APP: variants seen among roughly 807,000 people sequenced by gnomAD.
APP encodes amyloid beta precursor protein.
In APP, 31 loss-of-function variants were observed where a neutral mutation model predicts 101.4. The ratio of observed to expected loss-of-function variants is 0.31; its 90% confidence interval spans 0.23 to 0.41. APP has a LOEUF of 0.41. Among genes scored for constraint, APP ranks in the 10% least tolerant of loss-of-function variants. The probability of loss-of-function intolerance (pLI) is 1.00; values close to 1 mark genes in which losing one functional copy is unlikely to be tolerated. For missense variants in APP, 839 were observed against 1,003.7 expected (o/e 0.84, Z 2.22); for synonymous variants, 366 against 364.4 (o/e 1.00, Z -0.05).
At chr21:26,111,087 TAAAAAAAA>T (rs576900084) in intron 2 of APP, among the ~76,000 whole-genome samples, 2 of 88,478 alleles carry the variant, frequency 2.3e-5, no homozygotes, top group Non-Finnish European at 4.4e-5. Context: ...AAAGTTAAGT[TAAAAAAAA>T]AAAAAAAAAA....
chr21:26,002,443 T>C (rs1208373862), intron 6 of APP, among the ~76,000 whole-genome samples: 2 of 9,984 alleles, frequency 2.0e-4, no homozygotes, highest in South Asian at 2.6e-3. Flanking sequence ...CCTTCAGTTG[T>C]AACAAACATC....
At chr21:25,886,413 T>TA (rs1230633004) in intron 17 of APP, among the ~76,000 whole-genome samples, 1 of 151,654 alleles carries the variant, frequency 6.6e-6, no homozygotes, top group Non-Finnish European at 1.5e-5. Flanking sequence ...TTTTTTTTTT[T>TA]AAGACAGTCT....
intron 14 of APP, among the ~76,000 whole-genome samples, chr21:25,905,816 C>T (rs2038760595): frequency 1.3e-5 from 2 of 152,190 alleles, no homozygotes; most frequent in African/African-American, 2.4e-5. Flanking sequence ...TATTCCTCAC[C>T]ATCATCTGAC....
chr21:25,996,582 AC>A (rs1267557446), intron 8 of APP, among the ~76,000 whole-genome samples: 1 of 152,120 alleles, frequency 6.6e-6, no homozygotes, highest in Non-Finnish European at 1.5e-5. Flanking sequence ...CTTTCTTCCC[AC>A]CAGGCACTCC....
intron 13 of APP, among the ~76,000 whole-genome samples, chr21:25,924,430 A>AAAG (rs2039789234): frequency 3.5e-5 from 3 of 84,700 alleles, no homozygotes; most frequent in Non-Finnish European, 4.9e-5. Context: ...AAAAAAAAGG[A>AAAG]AAAAAAAAAA....
At chr21:26,159,718 A>G (rs576461076) in intron 1 of APP, among the ~76,000 whole-genome samples, 1 of 152,228 alleles carries the variant, frequency 6.6e-6, no homozygotes, top group South Asian at 2.1e-4. Context: ...AGACACTAAT[A>G]TTTTTTTCTC....
intron 3 of APP, among the ~76,000 whole-genome samples, chr21:26,055,896 C>G (rs950360775): frequency 2.6e-5 from 4 of 152,200 alleles, no homozygotes; most frequent in Non-Finnish European, 2.9e-5. Context: ...ATAAATCAGA[C>G]AGTAAGTGCC....
intron 6 of APP, among the ~76,000 whole-genome samples, chr21:26,019,815 C>T (rs2044259231): frequency 6.6e-6 from 1 of 152,206 alleles, no homozygotes; most frequent in Non-Finnish European, 1.5e-5. Context: ...CTGTCCTTCC[C>T]TGCTACAGGC....
intron 9 of APP, among the ~76,000 whole-genome samples, chr21:25,981,711 GTTTTTT>G (rs11330953): frequency 7.9e-6 from 1 of 127,358 alleles, no homozygotes; most frequent in African/African-American, 2.8e-5. Flanking sequence ...ACCAAAACAG[GTTTTTT>G]TTTTTTTTTT....
intron 11 of APP, among the ~76,000 whole-genome samples, chr21:25,959,161 G>A (rs1164662500): frequency 1.3e-5 from 2 of 152,148 alleles, no homozygotes; most frequent in Admixed American, 6.5e-5. Flanking sequence ...CAGGCCAGGC[G>A]CCGTGGCTCA....
At chr21:25,909,633 GATGCAACAAGGT>G (rs1474619261) in intron 14 of APP, among the ~76,000 whole-genome samples, 1 of 152,214 alleles carries the variant, frequency 6.6e-6, no homozygotes, top group Non-Finnish European at 1.5e-5. Context: ...TCCTAAGGCT[GATGCAACAAGGT>G]ATGCTGTTAG....
At chr21:26,170,929 C>CAG, upstream of APP, 1 of 278,048 alleles carries the variant, frequency 3.6e-6, no homozygotes, top group Non-Finnish European at 6.7e-6. Flanking sequence ...GGTGCACGCG[C>CAG]CCTTGGCGCC....
intron 8 of APP, among the ~76,000 whole-genome samples, chr21:25,991,584 G>C (rs1229268239): frequency 6.6e-6 from 1 of 152,174 alleles, no homozygotes; most frequent in Non-Finnish European, 1.5e-5. Context: ...CGCCATGTTG[G>C]CCAGGCTGGT....
At chr21:26,121,246 G>T (rs116055578) in intron 1 of APP, among the ~76,000 whole-genome samples, 2,667 of 152,220 alleles carry the variant, frequency 0.018, 78 homozygotes, top group African/African-American at 0.06. Context: ...TTATTTTATT[G>T]CCCTGAAATA....
intron 16 of APP, among the ~76,000 whole-genome samples, chr21:25,896,230 A>G (rs755487764): frequency 2.0e-5 from 3 of 152,184 alleles, no homozygotes; most frequent in Non-Finnish European, 2.9e-5. Flanking sequence ...GTCTTTCTAC[A>G]AAAAAAGAAC....
intron 2 of APP, among the ~76,000 whole-genome samples, chr21:26,105,223 T>A (rs1035310725): frequency 6.6e-6 from 1 of 151,920 alleles, no homozygotes; most frequent in Non-Finnish European, 1.5e-5. Flanking sequence ...TGTTCAACAA[T>A]AAGAATGATT....
intron 11 of APP, among the ~76,000 whole-genome samples, chr21:25,968,916 T>C (rs1239658904): frequency 6.6e-6 from 1 of 152,172 alleles, no homozygotes; most frequent in African/African-American, 2.4e-5. Flanking sequence ...TACAGTTGTC[T>C]GCATTTTCCA....
intron 6 of APP, among the ~76,000 whole-genome samples, chr21:26,017,722 T>C (rs1042421701): frequency 2.0e-5 from 3 of 152,260 alleles, no homozygotes; most frequent in Non-Finnish European, 4.4e-5. Context: ...TTAGAATTTA[T>C]GGCTCAATCA....
chr21:25,884,377 T>C (rs970977091), intron 17 of APP, among the ~76,000 whole-genome samples: 25 of 152,352 alleles, frequency 1.6e-4, no homozygotes, highest in African/African-American at 2.4e-5. Flanking sequence ...CAGAGGACTC[T>C]GCTCAAATGG....
Sources: allele counts gnomAD v4.1 joint callset (sites outside exome capture counted in the v4.1 genomes callset), GRCh38; gene constraint gnomAD v4.1.1; transcripts MANE v1.5; gene names NCBI Gene and HGNC (gene_info 2026-07-23, HGNC 2026-07-21).